Variants in ADAMTS3 observed in about 807,000 individuals in gnomAD.
The protein encoded by ADAMTS3 is A disintegrin and metalloproteinase with thrombospondin motifs 3.
In ADAMTS3, 73 loss-of-function variants were observed where a neutral mutation model predicts 129.0. The ratio of observed to expected loss-of-function variants is 0.57; its 90% CI spans 0.47 to 0.69. ADAMTS3 has a LOEUF of 0.69. Among genes scored for constraint, ADAMTS3 ranks in the 30% least tolerant of loss-of-function variants. ADAMTS3 has a pLI of 0.00. For synonymous variants in ADAMTS3, 477 were observed against 510.8 expected (o/e 0.93, Z 0.89); for missense variants, 1,457 against 1,514.5 (o/e 0.96, Z 0.63).
intron 3 of ADAMTS3, among the ~76,000 whole-genome samples, chr4:72,475,096 G>T (rs930697299): frequency 1.3e-5 from 2 of 149,106 alleles, no homozygotes; most frequent in South Asian, 2.1e-4. Context: ...ATAAAACAAA[G>T]AATTAAAAAA....
intron 3 of ADAMTS3, among the ~76,000 whole-genome samples, chr4:72,464,727 T>G (rs1718872649): frequency 6.6e-6 from 1 of 152,048 alleles, no homozygotes; most frequent in Non-Finnish European, 1.5e-5. Context: ...AGATTTGGAT[T>G]CCTAAGAATG....
intron 3 of ADAMTS3, among the ~76,000 whole-genome samples, chr4:72,542,422 C>T (rs2109780258): frequency 6.6e-6 from 1 of 152,284 alleles, no homozygotes; most frequent in Admixed American, 6.5e-5. Flanking sequence ...CCTCAGCCTC[C>T]CAAAGTGCTG....
chr4:72,323,902 T>C (rs1410536239), intron 5 of ADAMTS3, among the ~76,000 whole-genome samples: 2 of 152,198 alleles, frequency 1.3e-5, no homozygotes, highest in Non-Finnish European at 2.9e-5. Context: ...GTAGAAATTA[T>C]CTGACATGCA....
In ADAMTS3 at chr4:72,288,838, C is replaced by T. The variant is rs751118190; in HGVS notation, c.2962G>A (p.Val988Met). ...CSVTCGEGTE[V>M]RQVLCRAGDH... ...CCAGCCCTGCAGAGGACCTGCCTCA[C>T]CTCCGTTCCTTCACCGCAGGTCACT... The change falls in exon 21 of 22, where the codon GTG becomes ATG. Residue 988 changes from valine to methionine, a missense_variant. Val to Met is a conservative substitution (Grantham distance 21, BLOSUM62 1). Transcript: ENST00000286657. 6.2e-7 allele frequency: 1 copy of T among 1,613,598 alleles called. No individual in the cohort carries two copies. The highest frequency in any genetic ancestry group is 2.2e-5 in the East Asian group (1 of 44,772).
chr4:72,564,649 CA>C (rs969406530), intron 2 of ADAMTS3, among the ~76,000 whole-genome samples: 2 of 152,108 alleles, frequency 1.3e-5, no homozygotes, highest in Non-Finnish European at 2.9e-5. Flanking sequence ...TACTTTCCCA[CA>C]TACCAAGAAG....
chr4:72,459,169 G>A (rs1349302787), intron 3 of ADAMTS3, among the ~76,000 whole-genome samples: 1 of 151,512 alleles, frequency 6.6e-6, no homozygotes, highest in Non-Finnish European at 1.5e-5. Context: ...TGAAAGATGA[G>A]GACTCTGTTT....
In ADAMTS3 at chr4:72,493,069, T is replaced by C. The variant is rs186970295; in HGVS notation, c.504+55409A>G. ...AGTTTTCTTTTATTTGCATGAAATATCTTTTTACATCCCTTCACTTTTAGC... is the reference window on the plus strand; with the variant it reads ...AGTTTTCTTTTATTTGCATGAAATACCTTTTTACATCCCTTCACTTTTAGC... On this transcript the variant is annotated intron_variant, in intron 3 of 21. Transcript: ENST00000286657. 2.0e-5 allele frequency among the ~76,000 whole-genome samples: 3 copies of C among 152,092 alleles called. No homozygotes were observed. The East Asian group carries it at 5.8e-4, about 29-fold the overall frequency.
rs1327400748 is a variant in ADAMTS3, at chr4:72,320,852, T to A, written c.964A>T (p.Arg322Trp). 3 of 1,613,776 alleles carry A rather than the reference T, an allele frequency of 1.9e-6. No individual in the cohort carries two copies. In the African/African-American group the frequency reaches 4.0e-5, roughly 22 times the overall value. ...GYAKSISLIE[R>W]GNPSRSLENV... ...TCCAAGCTTCTGGATGGGTTTCCCC[T>A]TTCTATGAGGCTGATGGACTAAGTG... The change falls in exon 7 of 22, where the codon AGG (arginine) becomes TGG (tryptophan). Residue 322 changes from arginine to tryptophan, a missense_variant. Coordinates refer to ENST00000286657, the MANE Select transcript of ADAMTS3 (RefSeq NM_014243.3).
chr4:72,370,015 C>T (rs1371306544), intron 4 of ADAMTS3, among the ~76,000 whole-genome samples: 1 of 152,182 alleles, frequency 6.6e-6, no homozygotes, highest in Non-Finnish European at 1.5e-5. Context: ...GGCCTTCATC[C>T]AGCGTTGTTT....
At chr4:72,292,097 T>A in intron 19 of ADAMTS3, among the ~76,000 whole-genome samples, 1 of 152,208 alleles carries the variant, frequency 6.6e-6, no homozygotes, top group Non-Finnish European at 1.5e-5. Context: ...GTTAAACATC[T>A]GACAGTGAAT....
chr4:72,503,241 T>A (rs1720073855), intron 3 of ADAMTS3, among the ~76,000 whole-genome samples: 1 of 152,144 alleles, frequency 6.6e-6, no homozygotes, highest in African/African-American at 2.4e-5. Flanking sequence ...CAGGCTGGTC[T>A]TGAACTCCTG....
At chr4:72,417,907 TGGGCGACAGAG>T (rs1028234395) in intron 3 of ADAMTS3, among the ~76,000 whole-genome samples, 2 of 94,502 alleles carry the variant, frequency 2.1e-5, no homozygotes, top group East Asian at 6.0e-4. Context: ...CACTCCAGAC[TGGGCGACAGAG>T]GGAGACTCCA....
intron 4 of ADAMTS3, among the ~76,000 whole-genome samples, chr4:72,363,729 C>A: frequency 6.6e-6 from 1 of 151,192 alleles, no homozygotes; most frequent in African/African-American, 2.4e-5. Context: ...AGGCCTCATA[C>A]CAAACGTTAT....
chr4:72,532,085 GA>G (rs1261033210), intron 3 of ADAMTS3, among the ~76,000 whole-genome samples: 3 of 150,960 alleles, frequency 2.0e-5, no homozygotes, highest in Non-Finnish European at 4.4e-5. Flanking sequence ...TTTCCTACCA[GA>G]AAAAGGAAGT....
rs1458288568 is a variant in ADAMTS3 at position 72,281,226 on chromosome 4, T to A, written c.*1910A>T. 6.6e-6 allele frequency: 1 copy of A among 152,492 alleles called. No individual in the cohort carries two copies. The highest frequency in any genetic ancestry group is 1.5e-5 in the Non-Finnish European group (1 of 68,006). The allele number at this position is 152,492 out of a possible 1,614,324, so 9.4% of individuals were successfully genotyped here. A position where few individuals can be genotyped will look rare whatever the true frequency, so the allele number is the denominator to read the frequency against. ...GAATTTTTAGGAAAAAAAAAAGACT[T>A]AAGGCTTAGGGATTGTTTTACTATC... On this transcript the variant is annotated 3_prime_UTR_variant, in exon 22 of 22. Transcript: ENST00000286657.
At position 72,282,996 on chromosome 4, in the gene ADAMTS3, A is replaced by G. The variant is rs1476330033; in HGVS notation, c.*140T>C. On this transcript the variant is annotated 3_prime_UTR_variant, in exon 22 of 22. Coordinates refer to ENST00000286657, the MANE Select transcript of ADAMTS3 (RefSeq NM_014243.3). ...GATGAAAGCAACTAGAAAGTGAGCC[A>G]GCACTTTCTGTTCTTCCAATTACAG... The G allele has an allele frequency of 2.9e-6, 2 of 691,532 alleles. No homozygotes were observed. The highest frequency in any genetic ancestry group is 4.7e-6 in the Non-Finnish European group (2 of 422,828). 42.8% of individuals were successfully genotyped at this position (691,532 alleles called of 1,614,324 possible). A position where few individuals can be genotyped will look rare whatever the true frequency, so the allele number is the denominator to read the frequency against.
At chr4:72,483,697 A>C (rs1158575809) in intron 3 of ADAMTS3, among the ~76,000 whole-genome samples, 2 of 152,212 alleles carry the variant, frequency 1.3e-5, no homozygotes, top group Non-Finnish European at 2.9e-5. Flanking sequence ...TAAAGAAGTA[A>C]AATCCAAAGA....
At chr4:72,297,361 G>T (rs534914923) in intron 18 of ADAMTS3, among the ~76,000 whole-genome samples, 133 of 152,246 alleles carry the variant, frequency 8.7e-4, no homozygotes, top group Non-Finnish European at 1.5e-3. Context: ...TGGATAAAGA[G>T]ATGTCATTTA....
At chr4:72,302,589 T>A (rs1718978619) in intron 17 of ADAMTS3, among the ~76,000 whole-genome samples, 1 of 151,990 alleles carries the variant, frequency 6.6e-6, no homozygotes, top group African/African-American at 2.4e-5. Context: ...AACAACTAAC[T>A]AGAACACATC....
Sources: allele counts gnomAD v4.1 joint callset (sites outside exome capture counted in the v4.1 genomes callset), GRCh38; gene constraint gnomAD v4.1.1; transcripts MANE v1.5; gene names NCBI Gene and HGNC (gene_info 2026-07-23, HGNC 2026-07-21).